The following SPATA31H1 variants were observed in gnomAD, a reference collection of about 807,000 sequenced individuals.
The protein encoded by SPATA31H1 is spermatogenesis-associated protein 31H1.
the SPATA31H1 span, among the ~76,000 whole-genome samples, chr2:27,543,489 CT>C: frequency 6.9e-6 from 1 of 145,854 alleles, no homozygotes; most frequent in Non-Finnish European, 1.5e-5. Flanking sequence ...ATGGCAAGGG[CT>C]TTTTTTTTGT....
the SPATA31H1 span, among the ~76,000 whole-genome samples, chr2:27,553,007 A>G: frequency 6.6e-6 from 1 of 152,008 alleles, no homozygotes; most frequent in South Asian, 2.1e-4. Context: ...ACTTCTGTAC[A>G]ATTTTAAACA....
At chr2:27,565,251 A>G in the SPATA31H1 span, 2 of 679,714 alleles carry the variant, frequency 2.9e-6, no homozygotes, top group Non-Finnish European at 5.4e-6. Flanking sequence ...TCAATATCTG[A>G]TATCTAAAAG....
chr2:27,578,332 TTGTAAAAACTA>T, the SPATA31H1 span: 3 of 1,614,022 alleles, frequency 1.9e-6, no homozygotes. Flanking sequence ...GGGTTTCAAA[TTGTAAAAACTA>T]TGTTAATCCC....
At chr2:27,578,908 A>C in the SPATA31H1 span, 7 of 1,614,036 alleles carry the variant, frequency 4.3e-6, no homozygotes, top group Non-Finnish European at 5.9e-6. Context: ...CAGCCTGAAG[A>C]GACCTATATA....
At chr2:27,556,943 G>A in the SPATA31H1 span, among the ~76,000 whole-genome samples, 2 of 69,176 alleles carry the variant, frequency 2.9e-5, no homozygotes, top group African/African-American at 5.9e-5. Context: ...TCAAGCATCT[G>A]TTTAACAAAG....
the SPATA31H1 span, chr2:27,578,403 A>G: frequency 9.3e-6 from 15 of 1,614,178 alleles, no homozygotes; most frequent in Non-Finnish European, 1.3e-5. Context: ...ACCAGGACCA[A>G]TTCCTCAGGT....
the SPATA31H1 span, chr2:27,565,475 G>A: frequency 4.3e-6 from 3 of 700,136 alleles, no homozygotes; most frequent in Non-Finnish European, 7.9e-6. Flanking sequence ...AGCAGGTGGA[G>A]GGAGGTTGAA....
chr2:27,561,544 T>C, the SPATA31H1 span, among the ~76,000 whole-genome samples: 1 of 152,168 alleles, frequency 6.6e-6, no homozygotes, highest in East Asian at 1.9e-4. Flanking sequence ...CCTTAAGGAG[T>C]TCTCTGCTCT....
chr2:27,566,466 G>T, the SPATA31H1 span: 1 of 676,012 alleles, frequency 1.5e-6, no homozygotes, highest in Admixed American at 2.3e-5. Context: ...AAGGAGGGAG[G>T]GAGAGAGGGA....
At chr2:27,576,688 CAGGACCACTGT>C in the SPATA31H1 span, 3 of 1,614,040 alleles carry the variant, frequency 1.9e-6, no homozygotes, top group Non-Finnish European at 2.5e-6. Context: ...AAGTTCCCAT[CAGGACCACTGT>C]TGACTAGTGT....
the SPATA31H1 span, chr2:27,579,231 A>G: frequency 6.2e-7 from 1 of 1,614,218 alleles, no homozygotes; most frequent in Non-Finnish European, 8.5e-7. Context: ...ACTACCAAGA[A>G]AATATCTCTC....
At chr2:27,552,781 A>C in the SPATA31H1 span, among the ~76,000 whole-genome samples, 1 of 152,022 alleles carries the variant, frequency 6.6e-6, no homozygotes, top group Non-Finnish European at 1.5e-5. Flanking sequence ...TGAACCTCTC[A>C]GTGTACAATC....
the SPATA31H1 span, chr2:27,573,594 T>C: frequency 1.8e-5 from 7 of 398,388 alleles, no homozygotes; most frequent in African/African-American, 1.4e-4. Flanking sequence ...TGTGAAATCA[T>C]GTGGCCCAAT....
the SPATA31H1 span, among the ~76,000 whole-genome samples, chr2:27,541,538 T>C: frequency 2.0e-5 from 3 of 151,938 alleles, no homozygotes; most frequent in African/African-American, 7.3e-5. Context: ...CCGTAGTTGT[T>C]TGTGAAATGA....
chr2:27,575,571 G>C, the SPATA31H1 span: 2 of 398,482 alleles, frequency 5.0e-6, no homozygotes, highest in Non-Finnish European at 8.9e-6. The surrounding 1 kb of genome is among the most constrained non-coding windows in gnomAD (Gnocchi z 4.1). Flanking sequence ...TCCTGGGCCT[G>C]AGCTTCAAGG....
chr2:27,547,264 TC>T, the SPATA31H1 span, among the ~76,000 whole-genome samples: 1 of 151,552 alleles, frequency 6.6e-6, no homozygotes, highest in African/African-American at 2.4e-5. Context: ...ACTTCCGCCT[TC>T]CAGGTTCAAG....
At chr2:27,556,128 C>G in the SPATA31H1 span, among the ~76,000 whole-genome samples, 1 of 125,100 alleles carries the variant, frequency 8.0e-6, no homozygotes, top group Non-Finnish European at 1.6e-5. Flanking sequence ...GGACAAGACT[C>G]CATCTCAAAA....
At chr2:27,565,479 G>C in the SPATA31H1 span, 1 of 696,138 alleles carries the variant, frequency 1.4e-6, no homozygotes, top group Non-Finnish European at 2.6e-6. Context: ...GGTGGAGGGA[G>C]GTTGAAAAAG....
the SPATA31H1 span, among the ~76,000 whole-genome samples, chr2:27,540,031 C>T: frequency 3.2e-5 from 4 of 123,458 alleles, no homozygotes; most frequent in Non-Finnish European, 6.9e-5. Flanking sequence ...CCCCCCACCT[C>T]CCTCCCGGAC....
Sources: allele counts gnomAD v4.1 joint callset (sites outside exome capture counted in the v4.1 genomes callset), GRCh38; gene constraint gnomAD v4.1.1; non-coding constraint Gnocchi (gnomAD v3.1); transcripts MANE v1.5; gene names NCBI Gene and HGNC (gene_info 2026-07-23, HGNC 2026-07-21).